The following CDH23 variants were observed in gnomAD, a reference collection of about 807,000 sequenced individuals.
The protein encoded by CDH23 is cadherin related 23, also known as cadherin-23.
A neutral mutation model predicts 317.1 loss-of-function variants in CDH23; 189 were observed. The observed-to-expected ratio is 0.60, with a 90% CI of 0.53 to 0.67. The LOEUF (loss-of-function observed/expected upper bound fraction) is 0.67, where lower values mean the gene tolerates loss of function less well. Ranked by LOEUF, CDH23 falls within the 30% of genes least tolerant of loss-of-function variation. The pLI is 0.00. For synonymous variants in CDH23, 1,839 were observed against 1,876.8 expected (o/e 0.98, Z 0.52); for missense variants, 4,401 against 4,592.4 (o/e 0.96, Z 1.20).
chr10:71,683,141 T>A (rs959441562), intron 18 of CDH23, among the ~76,000 whole-genome samples: 1 of 152,202 alleles, frequency 6.6e-6, no homozygotes, highest in Non-Finnish European at 1.5e-5. Context: ...CCACGCTGGT[T>A]CATTTGCCCA....
chr10:71,510,539 C>T (rs1853909648), intron 4 of CDH23, among the ~76,000 whole-genome samples: 1 of 151,964 alleles, frequency 6.6e-6, no homozygotes, highest in Non-Finnish European at 1.5e-5. Flanking sequence ...CCCCAGTAAA[C>T]ATTCCCCCAA....
chr10:71,702,675 C>T lies in CDH23; in HGVS notation c.2714C>T (p.Ala905Val), dbSNP rs201871422. 21 of 1,613,684 alleles carry T rather than the reference C, an allele frequency of 1.3e-5. No individual in the cohort carries two copies. The highest frequency in any genetic ancestry group is 2.7e-5 in the African/African-American group (2 of 74,914). ...GCCGAGGTGCTTGAAGGCATCCCGG[C>T]GGGGGTCTCCATCTACCAAGTGAGT... ...FVAEVLEGIP[A>V]GVSIYQVVAI... Residue 905 changes from alanine to valine, a missense_variant, in exon 24 of 70, where the codon GCG becomes GTG. Ala to Val is a moderately conservative substitution (Grantham distance 64, BLOSUM62 0). This residue lies in a region of CDH23 where 3,068 missense variants were observed against 3,203.3 expected (regional missense o/e 0.96). Coordinates refer to ENST00000224721, the MANE Select transcript of CDH23 (RefSeq NM_022124.6).
chr10:71,645,036 C>T (rs1283072499), intron 12 of CDH23, among the ~76,000 whole-genome samples: 1 of 152,248 alleles, frequency 6.6e-6, no homozygotes, highest in Non-Finnish European at 1.5e-5. Flanking sequence ...CTGGAGACTT[C>T]AGTCACATCA....
intron 6 of CDH23, among the ~76,000 whole-genome samples, chr10:71,523,607 TAA>T (rs1242632708): frequency 1.3e-5 from 2 of 151,942 alleles, no homozygotes; most frequent in Non-Finnish European, 2.9e-5. Flanking sequence ...GGGAAATAAA[TAA>T]ATAAGTGAGC....
intron 19 of CDH23, among the ~76,000 whole-genome samples, chr10:71,688,840 G>A (rs1438402109): frequency 8.1e-6 from 1 of 123,236 alleles, no homozygotes; most frequent in African/African-American, 3.0e-5. Context: ...GTGGAGTCAG[G>A]GGTGGTGGAG....
chr10:71,813,845 T>G (rs1271019620), intron 69 of CDH23, among the ~76,000 whole-genome samples: 1 of 151,140 alleles, frequency 6.6e-6, no homozygotes, highest in Non-Finnish European at 1.5e-5. Flanking sequence ...GAGGCGGAGG[T>G]TGAAGTGAAC....
At chr10:71,762,073 C>T (rs41281326) in intron 38 of CDH23, 134,013 of 1,534,040 alleles carry the variant, frequency 0.087, 13,062 homozygotes, top group African/African-American at 0.5. Flanking sequence ...TCCAGTGCTA[C>T]TCCTGGCAAC....
At chr10:71,647,265 C>T (rs1428609236) in intron 14 of CDH23, among the ~76,000 whole-genome samples, 1 of 152,116 alleles carries the variant, frequency 6.6e-6, no homozygotes, top group African/African-American at 2.4e-5. Context: ...GAGTTTGAGA[C>T]CAGCCTGGCC....
At chr10:71,557,811 G>A (rs2132332870) in intron 6 of CDH23, among the ~76,000 whole-genome samples, 1 of 152,212 alleles carries the variant, frequency 6.6e-6, no homozygotes, top group South Asian at 2.1e-4. Flanking sequence ...CTCTCTGAAA[G>A]TCTCAGGATT....
intron 3 of CDH23, among the ~76,000 whole-genome samples, chr10:71,482,807 T>C (rs961254577): frequency 2.0e-5 from 3 of 152,116 alleles, no homozygotes; most frequent in Non-Finnish European, 4.4e-5. Context: ...GGTGCCCGAG[T>C]TGAGCGGATT....
At chr10:71,601,963 G>GC (rs1860248366) in intron 9 of CDH23, among the ~76,000 whole-genome samples, 3 of 45,014 alleles carry the variant, frequency 6.7e-5, no homozygotes, top group South Asian at 1.4e-3. Flanking sequence ...GGCGGCGGAG[G>GC]GGGGGGGGCT....
rs1864520278 is a variant in CDH23, at chr10:71,679,471, A to G, written c.1837A>G (p.Ser613Gly). ...TGCCTTTGGCAGCTACTTCGACATCAGCCTGTACGAGGGCTATGGAGGTAG... is the reference window on the plus strand; with the variant it reads ...TGCCTTTGGCAGCTACTTCGACATCGGCCTGTACGAGGGCTATGGAGGTAG... ...ASAFGSYFDI[S>G]LYEGYGVISV... Residue 613 changes from serine (S) to glycine (G), a missense_variant, in exon 17 of 70, where the codon AGC becomes GGC. Ser to Gly is a moderately conservative substitution (Grantham distance 56). Transcript: ENST00000224721. 5.6e-6 allele frequency: 9 copies of G among 1,611,068 alleles called. No individual in the cohort carries two copies. Among genetic ancestry groups the G allele is most frequent in the Non-Finnish European group, 6.8e-6 (8 of 1,178,596 alleles).
intron 1 of CDH23, among the ~76,000 whole-genome samples, chr10:71,434,897 C>T (rs1472058413): frequency 8.5e-5 from 13 of 152,174 alleles, no homozygotes; most frequent in Admixed American, 7.9e-4. Flanking sequence ...AAAGCCCACC[C>T]ACCACCCCAG....
chr10:71,732,575 GTGAGCTGCGTT>G lies in CDH23; in HGVS notation c.4104+203_4104+213del, dbSNP rs994587711. ...TCAGCTCAGGAGTTTGGAGGCTGCAGTGAGCTGCGTTTGCACCACTGCACTCCAGCCCGGGC... is the reference window on the plus strand; with the variant it reads ...TCAGCTCAGGAGTTTGGAGGCTGCAGTGCACCACTGCACTCCAGCCCGGGC... On this transcript the variant is annotated intron_variant, in intron 32 of 69. Coordinates refer to ENST00000224721, the MANE Select transcript of CDH23 (RefSeq NM_022124.6). 5.5e-5 allele frequency: 73 copies of G among 1,324,754 alleles called. No homozygotes were observed. The African/African-American group carries it at 8.9e-4, about 16-fold the overall frequency. 82.1% of individuals were successfully genotyped at this position (1,324,754 alleles called of 1,614,324 possible). A position where few individuals can be genotyped will look rare whatever the true frequency, so the allele number is the denominator to read the frequency against.
At chr10:71,802,703 G>A (rs545263001) in intron 53 of CDH23, among the ~76,000 whole-genome samples, 195 bp from the exon 54 acceptor site, 8 of 152,292 alleles carry the variant, frequency 5.3e-5, no homozygotes, top group Admixed American at 5.2e-4. Context: ...ATCTAGGATT[G>A]TGCAACCAAG....
intron 4 of CDH23, 130 bp from the exon 5 acceptor site, chr10:71,510,824 G>A (rs1225634601): frequency 1.2e-6 from 1 of 803,516 alleles, no homozygotes; most frequent in South Asian, 1.5e-5. Flanking sequence ...TTTTAGGGAA[G>A]CCTTTGGGTG....
intron 1 of CDH23, among the ~76,000 whole-genome samples, chr10:71,427,263 A>G (rs1197444872): frequency 7.6e-6 from 1 of 131,026 alleles, no homozygotes; most frequent in African/African-American, 2.9e-5. Context: ...AAGAAAGAGA[A>G]AGAGAGAAAG....
At position 71,810,054 on chromosome 10, in the gene CDH23, T is replaced by C. The variant is rs753997469; in HGVS notation, c.8957T>C (p.Ile2986Thr). The change falls in exon 61 of 70, where the codon ATT becomes ACT. Residue 2986 changes from isoleucine to threonine, a missense_variant. Physicochemically the swap from Ile to Thr is moderately conservative, Grantham distance 89 (BLOSUM62 -1). Around this residue, in one of 3 missense-constraint regions of CDH23, gnomAD observed 1,144 missense variants for 1,138.2 expected, o/e 1.01. Coordinates refer to ENST00000224721, the MANE Select transcript of CDH23 (RefSeq NM_022124.6). ...CTGCTCTCCAACATCACTGGGGCCA[T>C]TGTCAATACTGACAATGTGCAGGTG... The part of the protein sequence containing the change: ...IHLLSNITGA[I>T]VNTDNVQFHV... The C allele has an allele frequency of 1.4e-5, 23 of 1,612,456 alleles. 1 individual carries two copies. The highest frequency in any genetic ancestry group is 9.9e-5 in the South Asian group (9 of 91,082).
intron 55 of CDH23, among the ~76,000 whole-genome samples, chr10:71,804,702 A>G (rs1286845305): frequency 3.9e-5 from 6 of 152,136 alleles, no homozygotes; most frequent in African/African-American, 1.2e-4. Context: ...AGTGATCAGG[A>G]TATCTCGAGT....
Sources: gnomAD v4.1 joint callset for allele counts (sites outside exome capture counted in the v4.1 genomes callset) on GRCh38, gnomAD v4.1.1 for gene constraint, gnomAD v4.1.1 regional missense constraint, MANE v1.5 for transcripts, NCBI Gene and HGNC (gene_info 2026-07-23, HGNC 2026-07-21) for gene names.